The following SDK1 variants were observed in gnomAD, a reference collection of about 807,000 sequenced individuals.
SDK1 encodes sidekick cell adhesion molecule 1.
A neutral mutation model predicts 245.5 loss-of-function variants in SDK1; 157 were observed. The ratio of observed to expected loss-of-function variants is 0.64; its 90% confidence interval spans 0.56 to 0.73. The LOEUF (loss-of-function observed/expected upper bound fraction) is 0.73. SDK1 is among the 30% of genes least tolerant of loss of function. The pLI, the probability that SDK1 is intolerant of heterozygous loss-of-function variation, is 0.00. For missense variants in SDK1, 3,583 were observed against 3,002.3 expected, an observed-to-expected ratio of 1.19 and a Z score of -4.52; for synonymous variants, 1,647 against 1,278.5, an observed-to-expected ratio of 1.29 and a Z score of -6.15.
chr7:3,303,634 A>G (rs770066669), intron 1 of SDK1, among the ~76,000 whole-genome samples: 2 of 152,220 alleles, frequency 1.3e-5, no homozygotes, highest in African/African-American at 2.4e-5. Context: ...TTACATTTAT[A>G]TGGCTTATGA....
At chr7:3,590,309 T>C (rs866862011) in intron 1 of SDK1, among the ~76,000 whole-genome samples, 14 of 148,568 alleles carry the variant, frequency 9.4e-5, no homozygotes, top group African/African-American at 3.2e-4. Context: ...CCTTTTTTTT[T>C]TTTTTTTTTT....
intron 5 of SDK1, among the ~76,000 whole-genome samples, chr7:3,848,415 C>T (rs1441565135): frequency 6.6e-6 from 1 of 152,140 alleles, no homozygotes; most frequent in Non-Finnish European, 1.5e-5. Context: ...TGACAGGAGC[C>T]TTCTCTTGTT....
At position 3,576,756 on chromosome 7, in the gene SDK1, A is replaced by T. The variant is rs1583185462; in HGVS notation, c.299-42324A>T. 2.6e-5 allele frequency among the ~76,000 whole-genome samples: 4 copies of T among 152,114 alleles called. No homozygotes were observed. In the South Asian group the frequency reaches 8.3e-4, roughly 32 times the overall value. On this transcript the variant is annotated intron_variant, in intron 1 of 44. Transcript: ENST00000404826. ...CTAAGAAGTGTTTCTTATTTGCTAG[A>T]AACAGGAGCTTCAGCATTTTGTTCC... is the stretch of plus-strand genomic sequence containing the variant.
intron 5 of SDK1, among the ~76,000 whole-genome samples, chr7:3,861,761 G>A (rs1780697222): frequency 6.6e-6 from 1 of 152,050 alleles, no homozygotes; most frequent in African/African-American, 2.4e-5. Context: ...AACTTCACAT[G>A]GCTTGTGGAC....
chr7:3,820,306 C>T (rs528351931), intron 4 of SDK1, among the ~76,000 whole-genome samples: 6 of 152,080 alleles, frequency 3.9e-5, no homozygotes, highest in East Asian at 1.9e-4. Context: ...TGTGCCACCA[C>T]GCCGAACTAA....
At chr7:3,806,061 G>C (rs1477909659) in intron 4 of SDK1, among the ~76,000 whole-genome samples, 5 of 152,160 alleles carry the variant, frequency 3.3e-5, no homozygotes, top group African/African-American at 1.2e-4. Context: ...TCAAAGACAA[G>C]GAAAGACTGC....
At chr7:4,037,974 A>G (rs1353332573) in intron 17 of SDK1, among the ~76,000 whole-genome samples, 1 of 152,190 alleles carries the variant, frequency 6.6e-6, no homozygotes, top group Non-Finnish European at 1.5e-5. Context: ...TTTGTCTGGT[A>G]TATGGTAGAT....
At chr7:3,350,385 C>T (rs1340559371) in intron 1 of SDK1, among the ~76,000 whole-genome samples, 1 of 152,022 alleles carries the variant, frequency 6.6e-6, no homozygotes, top group Non-Finnish European at 1.5e-5. Flanking sequence ...GCAAGTGAGT[C>T]CCTTTGTTGT....
chr7:3,452,485 A>C (rs78361759), intron 1 of SDK1, among the ~76,000 whole-genome samples: 5 of 152,326 alleles, frequency 3.3e-5, no homozygotes, highest in African/African-American at 1.2e-4. Context: ...TTAGTATGTC[A>C]AAAAAGCAAG....
In SDK1 at chr7:3,999,425, G is replaced by A. The variant is rs566702971; in HGVS notation, c.2132-11541G>A. On this transcript the variant is annotated intron_variant, in intron 14 of 44. Transcript: ENST00000404826. Reference sequence around the variant, plus strand: ...AGGGGGCGTCGGGTAGTATGTGATCGCTTGCCAGGAAAGTGGATCTGAGGA... The same window carrying A: ...AGGGGGCGTCGGGTAGTATGTGATCACTTGCCAGGAAAGTGGATCTGAGGA... 1.1e-4 allele frequency among the ~76,000 whole-genome samples: 17 copies of A among 152,334 alleles called. No homozygotes were observed. In the South Asian group the frequency reaches 3.3e-3, roughly 30 times the overall value.
intron 1 of SDK1, among the ~76,000 whole-genome samples, chr7:3,600,975 T>G (rs1198346556): frequency 6.6e-6 from 1 of 152,064 alleles, no homozygotes. Context: ...CCTCAATTGA[T>G]AGCTCACCTA....
chr7:3,829,109 C>T (rs537125348), intron 5 of SDK1, among the ~76,000 whole-genome samples: 26 of 152,192 alleles, frequency 1.7e-4, no homozygotes, highest in East Asian at 3.9e-4. Flanking sequence ...CATATAGATG[C>T]GCTGCGGTAG....
At chr7:4,165,680 G>C (rs940256622) in intron 32 of SDK1, among the ~76,000 whole-genome samples, 8 of 152,246 alleles carry the variant, frequency 5.3e-5, no homozygotes, top group Admixed American at 3.3e-4. Context: ...AGTAGAGACA[G>C]GATTTCATCA....
chr7:3,364,935 T>A (rs1781050196), intron 1 of SDK1, among the ~76,000 whole-genome samples: 1 of 152,244 alleles, frequency 6.6e-6, no homozygotes, highest in Non-Finnish European at 1.5e-5. Context: ...ATCATTGATT[T>A]CTTTCATCAG....
intron 40 of SDK1, among the ~76,000 whole-genome samples, chr7:4,223,599 T>C (rs1272146472): frequency 1.3e-5 from 2 of 152,174 alleles, no homozygotes; most frequent in Admixed American, 1.3e-4. Flanking sequence ...TGCATCTCAG[T>C]TTTATCTTTT....
intron 1 of SDK1, among the ~76,000 whole-genome samples, chr7:3,472,515 T>C (rs1190311895): frequency 6.6e-6 from 1 of 152,196 alleles, no homozygotes; most frequent in Non-Finnish European, 1.5e-5. Flanking sequence ...AAGAACAAAT[T>C]TATGAGATTA....
intron 22 of SDK1, among the ~76,000 whole-genome samples, chr7:4,081,161 C>T (rs73671523): frequency 0.042 from 6,396 of 152,250 alleles, 271 homozygotes; most frequent in African/African-American, 0.11. Flanking sequence ...CAGGCCACAG[C>T]GACAGAAACG....
intron 8 of SDK1, among the ~76,000 whole-genome samples, chr7:3,959,839 A>G (rs774441260): frequency 6.7e-6 from 1 of 149,106 alleles, no homozygotes; most frequent in Non-Finnish European, 1.5e-5. Flanking sequence ...TTCCTTTGCC[A>G]TTCAGGTCAT....
At chr7:3,382,407 G>A (rs1035544942) in intron 1 of SDK1, among the ~76,000 whole-genome samples, 6 of 152,252 alleles carry the variant, frequency 3.9e-5, no homozygotes, top group African/African-American at 1.2e-4. Flanking sequence ...CTGCTGTTCT[G>A]TGGATTGAGC....
Sources: allele counts gnomAD v4.1 joint callset (sites outside exome capture counted in the v4.1 genomes callset), GRCh38; gene constraint gnomAD v4.1.1; transcripts MANE v1.5; gene names NCBI Gene and HGNC (gene_info 2026-07-23, HGNC 2026-07-21).